The following SLC9A9 variants were observed in gnomAD, a reference collection of about 807,000 sequenced individuals.
SLC9A9 encodes the protein sodium/hydrogen exchanger 9.
Under a neutral mutation model 77.8 loss-of-function variants are expected in SLC9A9, and 62 were observed. That is an observed-to-expected ratio of 0.80 (90% CI 0.65 to 0.98). SLC9A9 has a LOEUF of 0.98. Ranked by LOEUF, SLC9A9 falls within the 50% of genes least tolerant of loss-of-function variation. The pLI is 0.00. For synonymous variants in SLC9A9, 320 were observed against 283.5 expected, an observed-to-expected ratio of 1.13 and a Z score of -1.29; for missense variants, 775 against 774.9, an observed-to-expected ratio of 1.00 and a Z score of 0.00.
intron 14 of SLC9A9, among the ~76,000 whole-genome samples, chr3:143,302,770 A>C (rs1243747993): frequency 6.6e-6 from 1 of 152,224 alleles, no homozygotes; most frequent in Non-Finnish European, 1.5e-5. Context: ...CTCAGGCTCA[A>C]GACAGGCAGA....
chr3:143,622,172 C>T (rs890758353), intron 6 of SLC9A9, among the ~76,000 whole-genome samples: 2 of 152,162 alleles, frequency 1.3e-5, no homozygotes, highest in Non-Finnish European at 2.9e-5. Context: ...GAGAATGGAA[C>T]CAAGTTGGAA....
intron 12 of SLC9A9, among the ~76,000 whole-genome samples, chr3:143,394,139 A>G (rs1327925621): frequency 6.6e-6 from 1 of 152,190 alleles, no homozygotes; most frequent in Non-Finnish European, 1.5e-5. Flanking sequence ...CCTGGCAGAG[A>G]CACAACAAAA....
At position 143,606,400 on chromosome 3, in the gene SLC9A9, A is replaced by ATCTCTCTCTC. The variant is rs746582477; in HGVS notation, c.756-27687_756-27678dup. On this transcript the variant is annotated intron_variant, in intron 6 of 15. Coordinates refer to ENST00000316549, the MANE Select transcript of SLC9A9 (RefSeq NM_173653.4). ...CACTTCAGACTGGGCGAAAGAGTGA[A>ATCTCTCTCTC]TCTCTCTCTCTCTCTCTCTCTCTCT... Among the ~76,000 whole-genome samples the ATCTCTCTCTC allele has an allele frequency of 4.9e-3, 378 of 76,406 alleles. 6 individuals carry two copies. Among genetic ancestry groups the ATCTCTCTCTC allele is most frequent in the South Asian group, 5.7e-3 (9 of 1,580 alleles). 50.1% of individuals were successfully genotyped at this position (76,406 alleles called of 152,430 possible). A position where few individuals can be genotyped will look rare whatever the true frequency, so the allele number is the denominator to read the frequency against.
chr3:143,370,567 G>GCGCACACACACACACACACA (rs373398536), intron 13 of SLC9A9, among the ~76,000 whole-genome samples: 6 of 143,304 alleles, frequency 4.2e-5, no homozygotes, highest in African/African-American at 1.6e-4. Context: ...GCATGTGCGC[G>GCGCACACACACACACACACA]CACACACACA....
rs142220709 is a variant in SLC9A9 at position 143,393,459 on chromosome 3, A to C, written c.1470-11345T>G. Among the ~76,000 whole-genome samples, 725 of 152,360 alleles carry C rather than the reference A, an allele frequency of 4.8e-3. 3 individuals carry two copies. The highest frequency in any genetic ancestry group is 0.016 in the African/African-American group (685 of 41,576). Reference sequence around the variant, plus strand: ...GGGACACATTCAAAACAGTGTGTAGAGGGAAACTTATAGCACTAAATGCCT... The same window carrying C: ...GGGACACATTCAAAACAGTGTGTAGCGGGAAACTTATAGCACTAAATGCCT... On this transcript the variant is annotated intron_variant, in intron 12 of 15. Coordinates refer to ENST00000316549, the MANE Select transcript of SLC9A9 (RefSeq NM_173653.4).
chr3:143,801,918 A>G (rs1404322186), intron 2 of SLC9A9, among the ~76,000 whole-genome samples: 5 of 152,188 alleles, frequency 3.3e-5, no homozygotes, highest in African/African-American at 9.7e-5. Flanking sequence ...GTCCTCCATC[A>G]TTAATGTCTT....
chr3:143,522,113 C>T (rs907177863), intron 9 of SLC9A9, among the ~76,000 whole-genome samples: 5 of 152,160 alleles, frequency 3.3e-5, no homozygotes, highest in Admixed American at 6.5e-5. Flanking sequence ...TGTCTCTCGA[C>T]CTCATAGCAA....
At position 143,317,735 on chromosome 3, in the gene SLC9A9, TCTTTTC is replaced by T. The variant is rs1291213946; in HGVS notation, c.1604+45743_1604+45748del. On this transcript the variant is annotated intron_variant, in intron 14 of 15. Transcript: ENST00000316549. ...GTTTGAAATGTTCTATGTTCCATTT[TCTTTTC>T]TTTTGAGACAGAGTCTCGCTCTGTC... 5.2e-3 allele frequency among the ~76,000 whole-genome samples: 744 copies of T among 141,914 alleles called. 6 individuals are homozygous for T. Among genetic ancestry groups the T allele is most frequent in the African/African-American group, 0.019 (709 of 37,072 alleles). 93.1% of individuals were successfully genotyped at this position (141,914 alleles called of 152,430 possible).
At chr3:143,383,403 G>A (rs552367235) in intron 12 of SLC9A9, among the ~76,000 whole-genome samples, 1 of 152,312 alleles carries the variant, frequency 6.6e-6, no homozygotes, top group South Asian at 2.1e-4. Flanking sequence ...TCTCAATTCA[G>A]CTTCCCCTTA....
chr3:143,438,781 C>T (rs1018384250), intron 12 of SLC9A9, among the ~76,000 whole-genome samples: 5 of 152,214 alleles, frequency 3.3e-5, no homozygotes, highest in East Asian at 1.9e-4. Flanking sequence ...GGAGTGGACC[C>T]GAGTTACCAG....
In SLC9A9 at chr3:143,459,297, G is replaced by T. The variant is rs137876159; in HGVS notation, c.1469+7740C>A. On this transcript the variant is annotated intron_variant, in intron 12 of 15. Transcript: ENST00000316549. ...CTTGTGAGACATTAAGATTTTTCTG[G>T]GTATTCATATGCTAAAAAAATTATA... is the stretch of plus-strand genomic sequence containing the variant. Among the ~76,000 whole-genome samples the T allele has an allele frequency of 2.2e-3, 328 of 151,774 alleles. 2 individuals carry two copies. The highest frequency in any genetic ancestry group is 3.4e-3 in the Middle Eastern group (1 of 294).
intron 5 of SLC9A9, among the ~76,000 whole-genome samples, chr3:143,659,711 T>A (rs1337504566): frequency 6.6e-6 from 1 of 152,214 alleles, no homozygotes; most frequent in Non-Finnish European, 1.5e-5. Flanking sequence ...GAATGCCTCA[T>A]CCTTGGAGCA....
In SLC9A9 at chr3:143,321,370, G is replaced by A. The variant is rs181230970; in HGVS notation, c.1604+42114C>T. On this transcript the variant is annotated intron_variant, in intron 14 of 15. Coordinates refer to ENST00000316549, the MANE Select transcript of SLC9A9 (RefSeq NM_173653.4). ...TGTGGATAGGAAGGGACGGAAATAG[G>A]TAGAATTATTGAAGCTTCCCTTTGT... 2.0e-4 allele frequency among the ~76,000 whole-genome samples: 30 copies of A among 152,298 alleles called. No homozygotes were observed. The East Asian group carries it at 3.9e-3, about 20-fold the overall frequency.
chr3:143,506,220 T>G (rs542394449), intron 9 of SLC9A9, among the ~76,000 whole-genome samples: 17 of 152,240 alleles, frequency 1.1e-4, no homozygotes, highest in Admixed American at 7.8e-4. Flanking sequence ...ACTTCAAGAG[T>G]AGAATTACTT....
chr3:143,468,689 C>T (rs2035325470), intron 11 of SLC9A9, among the ~76,000 whole-genome samples: 1 of 152,124 alleles, frequency 6.6e-6, no homozygotes, highest in African/African-American at 2.4e-5. Flanking sequence ...TTATGGACCA[C>T]TGAAAATTAA....
intron 5 of SLC9A9, among the ~76,000 whole-genome samples, chr3:143,663,211 C>T (rs1326263921): frequency 6.6e-6 from 1 of 152,210 alleles, no homozygotes; most frequent in African/African-American, 2.4e-5. Context: ...AACAGACGTG[C>T]AGCTGAGGGT....
chr3:143,653,823 G>T (rs2038841647), intron 5 of SLC9A9, among the ~76,000 whole-genome samples: 1 of 152,124 alleles, frequency 6.6e-6, no homozygotes, highest in Admixed American at 6.5e-5. Flanking sequence ...GGTTCTAATA[G>T]ACCAATGACC....
At chr3:143,573,275 G>A (rs1008423363) in intron 8 of SLC9A9, among the ~76,000 whole-genome samples, 3 of 152,172 alleles carry the variant, frequency 2.0e-5, no homozygotes, top group South Asian at 2.1e-4. Flanking sequence ...CTTACCATTC[G>A]AATGTCCGTT....
Position 143,495,564 on chromosome 3 carries a change from C to T in SLC9A9, c.1090-116G>A, listed in dbSNP as rs116494781. ...GTCTCCTTTATCTGGAAGGCCACCC[C>T]TTTGGCCGTGTGCTTAGCCTCTGAA... On this transcript the variant is annotated intron_variant, in intron 9 of 15. Coordinates refer to ENST00000316549, the MANE Select transcript of SLC9A9 (RefSeq NM_173653.4). 1,187 of 778,082 alleles carry T rather than the reference C, an allele frequency of 1.5e-3. 12 individuals are homozygous for T. In the African/African-American group the frequency reaches 0.018, roughly 12 times the overall value. 48.2% of individuals were successfully genotyped at this position (778,082 alleles called of 1,614,324 possible).
Sources: allele counts gnomAD v4.1 joint callset (sites outside exome capture counted in the v4.1 genomes callset), GRCh38; gene constraint gnomAD v4.1.1; transcripts MANE v1.5; gene names NCBI Gene and HGNC (gene_info 2026-07-23, HGNC 2026-07-21).